Variants in PCDH15 observed in about 807,000 individuals in gnomAD.
PCDH15 encodes the protein protocadherin-15.
In PCDH15, 129 loss-of-function variants were observed where a neutral mutation model predicts 178.5. The observed-to-expected ratio is 0.72, with a 90% CI of 0.63 to 0.84. The LOEUF is 0.84. PCDH15 is among the 40% of genes least tolerant of loss of function. The pLI is 0.00. For synonymous variants in PCDH15, 800 were observed against 732.0 expected (o/e 1.09, Z -1.50); for missense variants, 2,230 against 2,099.9 (o/e 1.06, Z -1.21).
At chr10:54,676,507 A>C (rs2094793161) in intron 1 of PCDH15, among the ~76,000 whole-genome samples, 1 of 152,162 alleles carries the variant, frequency 6.6e-6, no homozygotes, top group Non-Finnish European at 1.5e-5. Context: ...AAAGTGACAA[A>C]AAGTACCTTA....
intron 1 of PCDH15, among the ~76,000 whole-genome samples, chr10:55,268,740 T>C (rs1361198095): frequency 6.6e-6 from 1 of 152,192 alleles, no homozygotes; most frequent in Non-Finnish European, 1.5e-5. Flanking sequence ...TAATACACAG[T>C]TGGCATAGTG....
At chr10:55,391,926 T>A (rs1290680329) in intron 2 of PCDH15, among the ~76,000 whole-genome samples, 1 of 152,204 alleles carries the variant, frequency 6.6e-6, no homozygotes, top group Non-Finnish European at 1.5e-5. Context: ...AGCTTTTGAT[T>A]TAAAGTAACA....
chr10:54,462,301 T>C (rs12250623), intron 3 of PCDH15, among the ~76,000 whole-genome samples: 32,203 of 150,312 alleles, frequency 0.21, 4,215 homozygotes, highest in African/African-American at 0.38. Context: ...CACACACACA[T>C]ATATATATAT....
At chr10:54,394,432 G>A (rs945740079) in intron 3 of PCDH15, among the ~76,000 whole-genome samples, 2 of 152,038 alleles carry the variant, frequency 1.3e-5, no homozygotes, top group African/African-American at 2.4e-5. Context: ...GGTACGTTCC[G>A]TGATGCCCCA....
chr10:55,162,426 T>C (rs1203846637), intron 2 of PCDH15, among the ~76,000 whole-genome samples: 1 of 152,188 alleles, frequency 6.6e-6, no homozygotes, highest in Non-Finnish European at 1.5e-5. Context: ...ATCAAATTCA[T>C]TTAACCGAAC....
At chr10:54,668,301 T>C (rs2094604203) in intron 1 of PCDH15, among the ~76,000 whole-genome samples, 1 of 152,136 alleles carries the variant, frequency 6.6e-6, no homozygotes, top group South Asian at 2.1e-4. Flanking sequence ...TGTTAAAATG[T>C]AATAAGTGAC....
intron 8 of PCDH15, among the ~76,000 whole-genome samples, chr10:54,308,251 A>G (rs2060673162): frequency 6.6e-6 from 1 of 152,134 alleles, no homozygotes; most frequent in Non-Finnish European, 1.5e-5. Context: ...AAGCTTAAGG[A>G]CTTGACATCT....
At chr10:55,278,147 C>T (rs1000796227) in intron 1 of PCDH15, among the ~76,000 whole-genome samples, 7 of 151,944 alleles carry the variant, frequency 4.6e-5, no homozygotes, top group African/African-American at 1.5e-4. Flanking sequence ...GCATTTAACA[C>T]GTATAGTAGC....
At chr10:54,217,448 G>A (rs2052221967) in intron 9 of PCDH15, among the ~76,000 whole-genome samples, 1 of 152,016 alleles carries the variant, frequency 6.6e-6, no homozygotes, top group African/African-American at 2.4e-5. Flanking sequence ...AGTTATAGGA[G>A]TATTTTACAA....
chr10:55,246,213 C>A (rs912555465), intron 1 of PCDH15, among the ~76,000 whole-genome samples: 1 of 152,164 alleles, frequency 6.6e-6, no homozygotes, highest in African/African-American at 2.4e-5. Context: ...GAATAAATAT[C>A]AAGCTAATTG....
At chr10:55,502,362 T>G (rs1167330829) in intron 2 of PCDH15, among the ~76,000 whole-genome samples, 1 of 151,616 alleles carries the variant, frequency 6.6e-6, no homozygotes, top group African/African-American at 2.4e-5. Context: ...CCTTTCAAGC[T>G]TAGAACCCCA....
intron 1 of PCDH15, among the ~76,000 whole-genome samples, chr10:55,182,082 A>G (rs1391580925): frequency 1.3e-5 from 2 of 151,926 alleles, no homozygotes; most frequent in Admixed American, 6.6e-5. Context: ...TTAGTATTAT[A>G]TAATAGAATC....
At chr10:54,998,375 A>G (rs971921546) in intron 2 of PCDH15, among the ~76,000 whole-genome samples, 18 of 152,068 alleles carry the variant, frequency 1.2e-4, no homozygotes, top group African/African-American at 4.1e-4. Flanking sequence ...GTATCCTGAA[A>G]CTTAAAGTAT....
intron 3 of PCDH15, among the ~76,000 whole-genome samples, chr10:54,507,005 T>G (rs1187065782): frequency 6.6e-6 from 1 of 152,012 alleles, no homozygotes; most frequent in East Asian, 1.9e-4. Context: ...CATATAACCT[T>G]AGGCTTTTTC....
chr10:54,175,986 C>T (rs1487598893), intron 13 of PCDH15, among the ~76,000 whole-genome samples: 2 of 151,620 alleles, frequency 1.3e-5, no homozygotes, highest in Non-Finnish European at 2.9e-5. Context: ...AAAATATTTC[C>T]AATTTAAGAG....
intron 8 of PCDH15, among the ~76,000 whole-genome samples, chr10:54,281,638 C>T (rs868152658): frequency 1.3e-5 from 2 of 151,942 alleles, no homozygotes; most frequent in East Asian, 3.9e-4. Flanking sequence ...AAAAATTGAC[C>T]TTTTGTTTTA....
In PCDH15 at chr10:55,181,568, T is replaced by C. The variant is rs186092440; in HGVS notation, c.-155-14917A>G. 7.2e-4 allele frequency among the ~76,000 whole-genome samples: 110 copies of C among 152,118 alleles called. 1 individual carries two copies. In the East Asian group the frequency reaches 0.016, roughly 22 times the overall value. On this transcript the variant is annotated intron_variant, in intron 1 of 5. Transcript: ENST00000458638. ...TGTTTCATTGTTAGTTTTTAAGGACTATTTTAAATTTATTGACGATAATTT... is the reference window on the plus strand; with the variant it reads ...TGTTTCATTGTTAGTTTTTAAGGACCATTTTAAATTTATTGACGATAATTT...
At position 54,527,757 on chromosome 10, in the gene PCDH15, A is replaced by G; in HGVS notation, c.157+55T>C. 6 of 1,446,004 alleles carry G rather than the reference A, an allele frequency of 4.1e-6. No homozygotes were observed. In the South Asian group the frequency reaches 7.2e-5, roughly 17 times the overall value. The allele number at this position is 1,446,004 out of a possible 1,614,324, so 89.6% of individuals were successfully genotyped here. A position where few individuals can be genotyped will look rare whatever the true frequency, so the allele number is the denominator to read the frequency against. ...CTACTCATAGTAGATTGAGAATTAA[A>G]ATCTGAAGAAAACCCTCTTAGATAA... On this transcript the variant is annotated intron_variant, in intron 3 of 37. Coordinates refer to ENST00000644397, the MANE Select transcript of PCDH15 (RefSeq NM_001384140.1).
chr10:54,604,179 T>C (rs2092654678), intron 2 of PCDH15, among the ~76,000 whole-genome samples: 1 of 151,926 alleles, frequency 6.6e-6, no homozygotes, highest in African/African-American at 2.4e-5. Flanking sequence ...TAAAGTTGAG[T>C]TGTTTTGTTA....
Sources: allele counts gnomAD v4.1 joint callset (sites outside exome capture counted in the v4.1 genomes callset), GRCh38; gene constraint gnomAD v4.1.1; transcripts MANE v1.5; gene names NCBI Gene and HGNC (gene_info 2026-07-23, HGNC 2026-07-21).